Variants in AZIN1 observed in about 807,000 individuals in gnomAD.
The protein encoded by AZIN1 is antizyme inhibitor 1.
In AZIN1, 12 loss-of-function variants were observed where a neutral mutation model predicts 47.4. The ratio of observed to expected loss-of-function variants is 0.25; its 90% CI spans 0.16 to 0.41. The LOEUF is 0.41. AZIN1 is among the 10% of genes least tolerant of loss of function. The probability of loss-of-function intolerance (pLI) is 1.00; values close to 1 mark genes in which losing one functional copy is unlikely to be tolerated. For synonymous variants in AZIN1, 155 were observed against 176.3 expected (o/e 0.88, Z 0.96); for missense variants, 410 against 532.4 (o/e 0.77, Z 2.26).
chr8:102,829,610 G>C, intron 10 of AZIN1, 124 bp from the exon 11 acceptor site: 1 of 982,252 alleles, frequency 1.0e-6, no homozygotes. Flanking sequence ...CTAGAGCCAA[G>C]GGCAGGGTGC....
intron 5 of AZIN1, chr8:102,836,650 T>G (rs1263191846): frequency 5.1e-6 from 2 of 388,932 alleles, no homozygotes; most frequent in Non-Finnish European, 4.6e-6. Flanking sequence ...AAGAGTTGGT[T>G]GGGCTCTGTA....
intron 3 of AZIN1, among the ~76,000 whole-genome samples, chr8:102,840,499 C>T (rs1053632823): frequency 3.9e-5 from 6 of 152,076 alleles, no homozygotes; most frequent in South Asian, 4.2e-4. Context: ...TGTGAGCCAC[C>T]GTGACCAACC....
chr8:102,829,690 G>C, intron 10 of AZIN1, 131 bp downstream of exon 10: 1 of 840,000 alleles, frequency 1.2e-6, no homozygotes, highest in South Asian at 1.6e-5. Context: ...TCCACCAGAA[G>C]AACGCAAATC....
chr8:102,843,371 G>A (rs1026988012), intron 3 of AZIN1, among the ~76,000 whole-genome samples, 180 bp downstream of exon 3: 1 of 152,088 alleles, frequency 6.6e-6, no homozygotes, highest in Non-Finnish European at 1.5e-5. Flanking sequence ...AAAATAATGT[G>A]GATTGGAAAG....
intron 2 of AZIN1, among the ~76,000 whole-genome samples, chr8:102,853,442 C>T (rs886713500): frequency 6.6e-6 from 1 of 152,142 alleles, no homozygotes; most frequent in African/African-American, 2.4e-5. Flanking sequence ...GTGGAGTTTG[C>T]AGTGAGCTGA....
intron 8 of AZIN1, among the ~76,000 whole-genome samples, chr8:102,833,564 GGC>G (rs1429820396): frequency 6.6e-6 from 1 of 151,610 alleles, no homozygotes; most frequent in Admixed American, 6.6e-5. Flanking sequence ...AAGGAAGGAG[GGC>G]AGAGCAGGAA....
At chr8:102,854,327 G>A (rs911265092) in intron 2 of AZIN1, 10 of 151,994 alleles carry the variant, frequency 6.6e-5, no homozygotes, top group African/African-American at 1.2e-4. Context: ...CCAGCCAGGC[G>A]CGGTGGCTCA....
chr8:102,843,449 T>C (rs919348725), intron 3 of AZIN1, 102 bp downstream of exon 3: 2 of 995,614 alleles, frequency 2.0e-6, no homozygotes, highest in Non-Finnish European at 3.0e-6. Context: ...AGATAGCATA[T>C]GAACCAAGTA....
At chr8:102,863,268 G>A (rs973427548) in intron 1 of AZIN1, among the ~76,000 whole-genome samples, 3 of 152,038 alleles carry the variant, frequency 2.0e-5, no homozygotes, top group Non-Finnish European at 4.4e-5. Context: ...GTCACCAGAG[G>A]CCGGCGCGGG....
chr8:102,828,398 A>ATAATAATCTATATTTC lies in AZIN1; in HGVS notation c.*168_*169insGAAATATAGATTATTA. On this transcript the variant is annotated 3_prime_UTR_variant, in exon 12 of 12. Transcript: ENST00000337198. ...TCTAAATCTCCCATTATCCCCAATG[A>ATAATAATCTATATTTC]ATTATAGATGAAAGCTGATTTTGTC... 4.2e-6 allele frequency: 2 copies of ATAATAATCTATATTTC among 481,742 alleles called. No homozygotes were observed. The highest frequency in any genetic ancestry group is 3.9e-5 in the African/African-American group (2 of 50,818). 29.8% of individuals were successfully genotyped at this position (481,742 alleles called of 1,614,324 possible). A position where few individuals can be genotyped will look rare whatever the true frequency, so the allele number is the denominator to read the frequency against.
chr8:102,838,762 C>A lies in AZIN1; in HGVS notation c.431G>T (p.Arg144Leu). ...TACTTACTTGGCATTTGGGTGATTA[C>A]GTGCAATTTTCTTCAATTCAATTTC... ...DNEIELKKIA[R>L]NHPNAKVLLH... The change falls in exon 5 of 12, where the codon CGT becomes CTT. Residue 144 changes from arginine (R) to leucine (L), a missense_variant. Arg to Leu is a moderately radical substitution (Grantham distance 102). Around this residue, in one of 3 missense-constraint regions of AZIN1, gnomAD observed 237 missense variants for 309.4 expected, o/e 0.77. Transcript: ENST00000337198. 6.2e-7 allele frequency: 1 copy of A among 1,612,038 alleles called. No individual in the cohort carries two copies.
In AZIN1 at chr8:102,843,629, T is replaced by C; in HGVS notation, c.24A>G (p.Ala8=). MKGFIDD[A]NYSVGLLDEG... The stretch of plus-strand genomic sequence containing the variant: ...CATCCAACAGGCCAACGGAGTAGTT[T>C]GCATCATCAATAAATCCTTTCATCT... The change falls in exon 3 of 12, where the codon GCA becomes GCG. Residue 8 remains alanine (A), a synonymous_variant. Coordinates refer to ENST00000337198, the MANE Select transcript of AZIN1 (RefSeq NM_148174.4). 1 of 1,614,044 alleles carries C rather than the reference T, an allele frequency of 6.2e-7. No homozygotes were observed. The highest frequency in any genetic ancestry group is 1.3e-5 in the African/African-American group (1 of 75,050).
intron 2 of AZIN1, among the ~76,000 whole-genome samples, chr8:102,847,395 T>C (rs1375030973): frequency 6.6e-6 from 1 of 151,874 alleles, no homozygotes; most frequent in Non-Finnish European, 1.5e-5. Flanking sequence ...GGAGGTTTAT[T>C]TTCTTTGATG....
At chr8:102,862,696 C>T (rs3808542) in intron 1 of AZIN1, among the ~76,000 whole-genome samples, 4,635 of 152,264 alleles carry the variant, frequency 0.03, 114 homozygotes, top group Non-Finnish European at 0.046. Context: ...ATTCCCCCTC[C>T]TTTGAGTCCT....
chr8:102,842,938 T>C lies in AZIN1; in HGVS notation c.102+613A>G, dbSNP rs1812308668. On this transcript the variant is annotated intron_variant, in intron 3 of 11. Coordinates refer to ENST00000337198, the MANE Select transcript of AZIN1 (RefSeq NM_148174.4). ...GCAAGCAAAAAAAAAGAATTGAGGCTGGGCGCGGTGGCTCGTGCCTGTAAT... is the reference window on the plus strand; with the variant it reads ...GCAAGCAAAAAAAAAGAATTGAGGCCGGGCGCGGTGGCTCGTGCCTGTAAT... 2.0e-5 allele frequency among the ~76,000 whole-genome samples: 3 copies of C among 150,400 alleles called. No homozygotes were observed. In the South Asian group the frequency reaches 6.3e-4, roughly 32 times the overall value.
intron 3 of AZIN1, among the ~76,000 whole-genome samples, chr8:102,841,647 C>A (rs946153852): frequency 2.0e-5 from 3 of 148,868 alleles, no homozygotes; most frequent in Non-Finnish European, 4.6e-5. Flanking sequence ...AAGATGAACA[C>A]GTCTGCAGAC....
intron 1 of AZIN1, among the ~76,000 whole-genome samples, chr8:102,860,606 T>C (rs1376381068): frequency 1.3e-5 from 2 of 152,114 alleles, no homozygotes; most frequent in Non-Finnish European, 2.9e-5. Flanking sequence ...AAGCTGGCCT[T>C]GAATTCCTGA....
At chr8:102,861,072 G>A (rs1236465441) in intron 1 of AZIN1, among the ~76,000 whole-genome samples, 1 of 152,166 alleles carries the variant, frequency 6.6e-6, no homozygotes, top group African/African-American at 2.4e-5. Context: ...AGTCTCGAAC[G>A]TTTCATAGTG....
intron 3 of AZIN1, among the ~76,000 whole-genome samples, chr8:102,840,134 T>C (rs1235052905): frequency 2.6e-5 from 4 of 152,196 alleles, no homozygotes; most frequent in African/African-American, 9.7e-5. Flanking sequence ...ACTGCCTTGA[T>C]TTTACTTTTT....
Sources: gnomAD v4.1 joint callset for allele counts (sites outside exome capture counted in the v4.1 genomes callset) on GRCh38, gnomAD v4.1.1 for gene constraint, gnomAD v4.1.1 regional missense constraint, MANE v1.5 for transcripts, NCBI Gene and HGNC (gene_info 2026-07-23, HGNC 2026-07-21) for gene names.